The following ESPL1 variants were observed in gnomAD, a reference collection of about 807,000 sequenced individuals.
ESPL1 encodes the protein separin.
ESPL1 carries 50 observed loss-of-function variants against 217.2 expected under a neutral mutation model. That is an observed-to-expected ratio of 0.23 (90% CI 0.18 to 0.29). The LOEUF (loss-of-function observed/expected upper bound fraction) is 0.29, where lower values mean the gene tolerates loss of function less well. Among genes scored for constraint, ESPL1 ranks in the 10% least tolerant of loss-of-function variants. ESPL1 has a pLI of 1.00. For missense variants in ESPL1, 1,834 were observed against 2,603.0 expected, an observed-to-expected ratio of 0.70 and a Z score of 6.43; for synonymous variants, 994 against 1,081.3, an observed-to-expected ratio of 0.92 and a Z score of 1.58.
Position 53,288,596 on chromosome 12 carries a change from G to C in ESPL1, c.4605G>C (p.Arg1535Ser). Residue 1535 changes from arginine (R) to serine (S), a missense_variant, in exon 20 of 31, where the codon AGG (arginine) becomes AGC (serine). Arg to Ser is a moderately radical substitution (Grantham distance 110). Coordinates refer to ENST00000257934, the MANE Select transcript of ESPL1 (RefSeq NM_012291.5). The stretch of plus-strand genomic sequence containing the variant: ...CTTCTGGAGAATGGGAGCTGCTGAG[G>C]CTGGATTCCAGCAAGAAGAAGCTGC... ...EAASGEWELL[R>S]LDSSKKKLPS... 2 of 1,613,828 alleles carry C rather than the reference G, an allele frequency of 1.2e-6. No individual in the cohort carries two copies. The highest frequency in any genetic ancestry group is 1.7e-6 in the Non-Finnish European group (2 of 1,179,998).
chr12:53,289,070 G>C lies in ESPL1; in HGVS notation c.4709-20G>C. 1 of 1,575,390 alleles carries C rather than the reference G, an allele frequency of 6.3e-7. No homozygotes were observed. Among genetic ancestry groups the C allele is most frequent in the Non-Finnish European group, 8.7e-7 (1 of 1,144,700 alleles). On this transcript the variant is annotated intron_variant, in intron 20 of 30. Coordinates refer to ENST00000257934, the MANE Select transcript of ESPL1 (RefSeq NM_012291.5). ...GAAATAAGGAATTCAGCTGTACCAA[G>C]TGTCCTGACGTTCTTCTAGGTCTTT...
Position 53,293,482 on chromosome 12 carries a change from G to A in ESPL1, c.*8G>A. ...CCTGTCTCTCTGCGGTAACCCCATG[G>A]AGCTGTCTTATTGATGCTAGAAGCC... On this transcript the variant is annotated 3_prime_UTR_variant, in exon 31 of 31. Transcript: ENST00000257934. The surrounding 1 kb of genome is among the most constrained non-coding windows in gnomAD (Gnocchi z 4.2). 1 of 1,608,416 alleles carries A rather than the reference G, an allele frequency of 6.2e-7. No individual in the cohort carries two copies. Among genetic ancestry groups the A allele is most frequent in the Non-Finnish European group, 8.5e-7 (1 of 1,175,000 alleles).
At chr12:53,291,567 G>A (rs1269116923) in intron 25 of ESPL1, 123 bp from the exon 26 acceptor site, 2 of 1,073,350 alleles carry the variant, frequency 1.9e-6, no homozygotes, top group Non-Finnish European at 2.7e-6. Flanking sequence ...CTCCAGCCTG[G>A]GCGACAGAGC....
chr12:53,283,410 T>G lies in ESPL1; in HGVS notation c.2949T>G (p.Val983=), dbSNP rs935100493. 9.9e-6 allele frequency: 16 copies of G among 1,614,056 alleles called. No individual in the cohort carries two copies. Among genetic ancestry groups the G allele is most frequent in the Non-Finnish European group, 1.1e-5 (13 of 1,180,024 alleles). Reference sequence around the variant, plus strand: ...AAAATCTGGTACAAAAATGGCAGGTTCTTTCAGAGGTGCTGAGCTGCTCAG... The same window carrying G: ...AAAATCTGGTACAAAAATGGCAGGTGCTTTCAGAGGTGCTGAGCTGCTCAG... ...YGENLVQKWQ[V]LSEVLSCSEK... Residue 983 remains valine (V), a synonymous_variant, in exon 16 of 31, where the codon GTT becomes GTG. Coordinates refer to ENST00000257934, the MANE Select transcript of ESPL1 (RefSeq NM_012291.5).
rs375342185 is a variant in ESPL1, at chr12:53,270,806, C to T, written c.1369+8C>T. On this transcript the variant is annotated splice_region_variant and intron_variant, in intron 5 of 30. Transcript: ENST00000257934. Reference sequence around the variant, plus strand: ...ACCACATGGGGATGACCGGTTAGTGCCCTGGGTCCCAGGCACAGAGTTTGT... The same window carrying T: ...ACCACATGGGGATGACCGGTTAGTGTCCTGGGTCCCAGGCACAGAGTTTGT... The T allele has an allele frequency of 1.2e-5, 20 of 1,613,800 alleles. No individual in the cohort carries two copies. In the African/African-American group the frequency reaches 2.4e-4, roughly 19 times the overall value.
chr12:53,278,340 G>A lies in ESPL1; in HGVS notation c.2364+380G>A, dbSNP rs533308545. 3.3e-5 allele frequency among the ~76,000 whole-genome samples: 5 copies of A among 151,916 alleles called. No homozygotes were observed. The East Asian group carries it at 7.9e-4, about 24-fold the overall frequency. On this transcript the variant is annotated intron_variant, in intron 11 of 30. Transcript: ENST00000257934. ...AAATAAAAAAAATATAGCCCGGTGCGGTGGCATGTGCCTGTAATCCCAGCT... is the reference window on the plus strand; with the variant it reads ...AAATAAAAAAAATATAGCCCGGTGCAGTGGCATGTGCCTGTAATCCCAGCT...
chr12:53,268,847 G>C lies in ESPL1; in HGVS notation c.81G>C (p.Lys27Asn). 1 of 1,610,100 alleles carries C rather than the reference G, an allele frequency of 6.2e-7. No homozygotes were observed. Among genetic ancestry groups the C allele is most frequent in the Non-Finnish European group, 8.5e-7 (1 of 1,178,084 alleles). ...CTGAAGAGTTGCTGCCCGCCTTGAA[G>C]GTGGGGGTGCTGCCTGGCTCGGGAT... The part of the protein sequence containing the change: ...KEAEELLPAL[K>N]EFLSNPPAGF... The change falls in exon 2 of 31, where the codon AAG becomes AAC. Residue 27 changes from lysine (K) to asparagine (N), a missense_variant and splice_region_variant. By Grantham distance (94) the Lys-to-Asn change is moderately conservative (BLOSUM62 0). Around this residue, in one of 5 missense-constraint regions of ESPL1, gnomAD observed 746 missense variants for 1,077.0 expected, o/e 0.69. Transcript: ENST00000257934.
At chr12:53,290,546 C>T (rs1050054869) in intron 24 of ESPL1, 77 bp downstream of exon 24, 9 of 1,536,320 alleles carry the variant, frequency 5.9e-6, no homozygotes, top group South Asian at 1.1e-5. Context: ...TACCAGACGG[C>T]CTGGGTCAGT....
chr12:53,287,892 C>A, intron 18 of ESPL1, 80 bp from the exon 19 acceptor site: 1 of 1,413,564 alleles, frequency 7.1e-7, no homozygotes, highest in Non-Finnish European at 9.5e-7. Context: ...CTGATGGTGC[C>A]TCCACTACGC....
At position 53,268,784 on chromosome 12, in the gene ESPL1, A is replaced by G; in HGVS notation, c.18A>G (p.Arg6=). The change falls in exon 2 of 31, where the codon AGA becomes AGG. Residue 6 remains arginine (R), a synonymous_variant. Coordinates refer to ENST00000257934, the MANE Select transcript of ESPL1 (RefSeq NM_012291.5). MRSFK[R]VNFGTLLSSQ... is the part of the protein sequence containing the mutation. ...CCGGTGTCATGAGGAGCTTCAAAAG[A>G]GTCAACTTTGGGACTCTGCTAAGCA... The G allele has an allele frequency of 6.2e-7, 1 of 1,612,114 alleles. No individual in the cohort carries two copies. The highest frequency in any genetic ancestry group is 8.5e-7 in the Non-Finnish European group (1 of 1,179,206).
chr12:53,292,545 C>T lies in ESPL1; in HGVS notation c.5913-29C>T, dbSNP rs753437882. 54 of 1,595,436 alleles carry T rather than the reference C, an allele frequency of 3.4e-5. No individual in the cohort carries two copies. Among genetic ancestry groups the T allele is most frequent in the Non-Finnish European group, 4.5e-5 (53 of 1,165,758 alleles). On this transcript the variant is annotated intron_variant, in intron 28 of 30. Coordinates refer to ENST00000257934, the MANE Select transcript of ESPL1 (RefSeq NM_012291.5). The surrounding 1 kb of genome is among the most constrained non-coding windows in gnomAD (Gnocchi z 4.5). ...CACCTGACCCCTGCCATGCATTTCC[C>T]TATTCTCACACCTGCCTTTTCCCTG...
rs745510397 is a variant in ESPL1, at chr12:53,277,139, A to T, written c.1997A>T (p.Glu666Val). 1 of 1,614,076 alleles carries T rather than the reference A, an allele frequency of 6.2e-7. No homozygotes were observed. Among genetic ancestry groups the T allele is most frequent in the Non-Finnish European group, 8.5e-7 (1 of 1,179,884 alleles). ...CAGCTTCTGGACTCTGTGAGGCCTG[A>T]GGCCCAGGCCAGAGATCAGCTTCTG... ...ALQLLDSVRP[E>V]AQARDQLLDD... The change falls in exon 9 of 31, where the codon GAG becomes GTG. Residue 666 changes from glutamate to valine, a missense_variant. Coordinates refer to ENST00000257934, the MANE Select transcript of ESPL1 (RefSeq NM_012291.5).
chr12:53,279,726 G>C lies in ESPL1; in HGVS notation c.2365-6G>C, dbSNP rs766349061. The C allele has an allele frequency of 1.9e-6, 3 of 1,614,020 alleles. No homozygotes were observed. The South Asian group carries it at 3.3e-5, about 18-fold the overall frequency. ...TGGAGTAAACTTGGCTGCTTCTGCT[G>C]ACCAGCCCATGCAGGCTCTGGAGGT... On this transcript the variant is annotated splice_region_variant and splice_polypyrimidine_tract_variant and intron_variant, in intron 11 of 30. Coordinates refer to ENST00000257934, the MANE Select transcript of ESPL1 (RefSeq NM_012291.5).
Position 53,280,339 on chromosome 12 carries a change from A to G in ESPL1, c.2499+473A>G, listed in dbSNP as rs79914408. Among the ~76,000 whole-genome samples the G allele has an allele frequency of 1.4e-4, 21 of 152,266 alleles. 1 individual carries two copies. The East Asian group carries it at 3.9e-3, about 28-fold the overall frequency. On this transcript the variant is annotated intron_variant, in intron 12 of 30. Coordinates refer to ENST00000257934, the MANE Select transcript of ESPL1 (RefSeq NM_012291.5). ...TTACGGCTGCAGTGTTTACCCCTGG[A>G]TAACTTTGCCACAAAATATCTCACT...
At position 53,286,653 on chromosome 12, in the gene ESPL1, A is replaced by G. The variant is rs759528186; in HGVS notation, c.3917A>G (p.Glu1306Gly). 9.9e-6 allele frequency: 16 copies of G among 1,614,170 alleles called. No individual in the cohort carries two copies. The highest frequency in any genetic ancestry group is 1.1e-5 in the Non-Finnish European group (13 of 1,180,034). The change falls in exon 18 of 31, where the codon GAG becomes GGG. Residue 1306 changes from glutamate (E) to glycine (G), a missense_variant. Physicochemically the swap from Glu to Gly is moderately conservative, Grantham distance 98. Coordinates refer to ENST00000257934, the MANE Select transcript of ESPL1 (RefSeq NM_012291.5). This position sits in a 1 kb window ranked among gnomAD's most constrained non-coding sequence, Gnocchi z 5.3. ...TTAATAAAAAGTGTCCCTGGCTCAG[A>G]GCCCTCTAAGACTCAGGGCCAAAAA... ...PPLIKSVPGS[E>G]PSKTQGQKRS... is the part of the protein sequence containing the mutation.
Position 53,291,868 on chromosome 12 carries a change from G to T in ESPL1, c.5691+8G>T. 6.3e-7 allele frequency: 1 copy of T among 1,585,764 alleles called. No individual in the cohort carries two copies. The highest frequency in any genetic ancestry group is 8.6e-7 in the Non-Finnish European group (1 of 1,164,204). On this transcript the variant is annotated splice_region_variant and intron_variant, in intron 26 of 30. Transcript: ENST00000257934. ...GTCTTGGTCCTAGACAAGGTAAGGA[G>T]CTGGGGCAGAGGGGCAGTGTCTAGT...
At chr12:53,273,466 T>C (rs1181054737) in intron 6 of ESPL1, among the ~76,000 whole-genome samples, 1 of 151,492 alleles carries the variant, frequency 6.6e-6, no homozygotes, top group African/African-American at 2.4e-5. Flanking sequence ...TGCATCAGAA[T>C]CTCTAGTGTT....
rs746014294 is a variant in ESPL1 at position 53,284,058 on chromosome 12, G to A, written c.3078G>A (p.Gln1026=). 4 of 1,607,466 alleles carry A rather than the reference G, an allele frequency of 2.5e-6. No individual in the cohort carries two copies. The highest frequency in any genetic ancestry group is 1.1e-5 in the South Asian group (1 of 90,964). ...KLTTKLQIPR[Q]CALFLVLKGE... ...GGTTCTCCTCTCCTCTCTCAACAAGGTGTGCCCTGTTCCTGGTGCTGAAGG... is the reference window on the plus strand; with the variant it reads ...GGTTCTCCTCTCCTCTCTCAACAAGATGTGCCCTGTTCCTGGTGCTGAAGG... The change falls in exon 17 of 31, where the codon CAG becomes CAA. Residue 1026 remains glutamine (Q), a splice_region_variant and synonymous_variant. Transcript: ENST00000257934.
rs1428184791 is a variant in ESPL1, at chr12:53,269,697, T to C, written c.755T>C (p.Leu252Ser). Residue 252 changes from leucine to serine, a missense_variant, in exon 3 of 31, where the codon TTG (leucine) becomes TCG (serine). By Grantham distance (145) the Leu-to-Ser change is moderately radical (BLOSUM62 -2). Transcript: ENST00000257934. This position sits in a 1 kb window ranked among gnomAD's most constrained non-coding sequence, Gnocchi z 6.7. Reference protein sequence around the residue: ...LLSPQRALCLLELTLEHCRRF... With the variant: ...LLSPQRALCLSELTLEHCRRF... The stretch of plus-strand genomic sequence containing the variant: ...TCTCCCCAGAGGGCCCTCTGCCTCT[T>C]GGAGCTCACCTTGGAACACTGCCGT... 1 of 1,614,170 alleles carries C rather than the reference T, an allele frequency of 6.2e-7. No individual in the cohort carries two copies. Among genetic ancestry groups the C allele is most frequent in the Non-Finnish European group, 8.5e-7 (1 of 1,180,032 alleles).
Sources: gnomAD v4.1 joint callset for allele counts (sites outside exome capture counted in the v4.1 genomes callset) on GRCh38, gnomAD v4.1.1 for gene constraint, gnomAD v4.1.1 regional missense constraint, Gnocchi (gnomAD v3.1) non-coding constraint, MANE v1.5 for transcripts, NCBI Gene and HGNC (gene_info 2026-07-23, HGNC 2026-07-21) for gene names.